Variants in SUMO3 observed in about 807,000 individuals in gnomAD.
SUMO3 encodes small ubiquitin-related modifier 3.
In SUMO3, 2 loss-of-function variants were observed where a neutral mutation model predicts 11.1. That is an observed-to-expected ratio of 0.18 (90% CI 0.07 to 0.57). The LOEUF is 0.57. Ranked by LOEUF, SUMO3 falls within the 20% of genes least tolerant of loss-of-function variation. The pLI, the probability that SUMO3 is intolerant of heterozygous loss-of-function variation, is 0.92. For synonymous variants in SUMO3, 56 were observed against 53.5 expected, an observed-to-expected ratio of 1.05 and a Z score of -0.20; for missense variants, 70 against 132.8, an observed-to-expected ratio of 0.53 and a Z score of 2.32.
chr21:44,817,118 C>A (rs1282815747), intron 1 of SUMO3, among the ~76,000 whole-genome samples: 1 of 131,704 alleles, frequency 7.6e-6, no homozygotes, highest in Non-Finnish European at 1.6e-5. Context: ...GACGGGTGGG[C>A]GCACACCAGG....
intron 1 of SUMO3, among the ~76,000 whole-genome samples, chr21:44,816,566 A>T (rs1380299423): frequency 6.6e-6 from 1 of 152,184 alleles, no homozygotes; most frequent in African/African-American, 2.4e-5. Context: ...CTCTTTACAG[A>T]GCCTTCAGCT....
intron 2 of SUMO3, among the ~76,000 whole-genome samples, chr21:44,812,175 G>A (rs2083216320): frequency 7.0e-6 from 1 of 142,352 alleles, no homozygotes; most frequent in South Asian, 2.3e-4. Flanking sequence ...TCCCACCTCA[G>A]CCTCCTGAGT....
chr21:44,811,536 C>T lies in SUMO3; in HGVS notation c.151-2418G>A, dbSNP rs572689217. On this transcript the variant is annotated intron_variant, in intron 2 of 3. Transcript: ENST00000332859. The surrounding 1 kb of genome is among the most constrained non-coding windows in gnomAD (Gnocchi z 5.0). ...GCAGTGAACCATGATCACACCACTG[C>T]GCTCCAGCTTGGGGGACAGAGTGAG... 4.6e-5 allele frequency among the ~76,000 whole-genome samples: 7 copies of T among 152,090 alleles called. No homozygotes were observed. Among genetic ancestry groups the T allele is most frequent in the East Asian group, 1.9e-4 (1 of 5,164 alleles).
At chr21:44,813,137 A>C (rs1477052083) in intron 2 of SUMO3, among the ~76,000 whole-genome samples, 2 of 152,154 alleles carry the variant, frequency 1.3e-5, no homozygotes, top group Admixed American at 6.5e-5. Flanking sequence ...AGGAAATCTA[A>C]CTGAAAATCC....
rs1207275533 is a variant in SUMO3 at position 44,810,746 on chromosome 21, A to G, written c.151-1628T>C. ...CCTGGCAGCACAGCCATCCATGTAC[A>G]CAGCTTTTCAGCAGCTTCTCGGTGC... is the stretch of plus-strand genomic sequence containing the variant. On this transcript the variant is annotated intron_variant, in intron 2 of 3. Transcript: ENST00000332859. This position sits in a 1 kb window ranked among gnomAD's most constrained non-coding sequence, Gnocchi z 4.1. 6.6e-6 allele frequency among the ~76,000 whole-genome samples: 1 copy of G among 151,682 alleles called. No individual in the cohort carries two copies. Among genetic ancestry groups the G allele is most frequent in the Non-Finnish European group, 1.5e-5 (1 of 67,908 alleles).
chr21:44,813,887 C>A (rs753207170), intron 2 of SUMO3, 89 bp downstream of exon 2: 3 of 1,595,266 alleles, frequency 1.9e-6, no homozygotes, highest in Admixed American at 1.7e-5. Flanking sequence ...CTGGGTCCAG[C>A]CCCGAGACGC....
At chr21:44,814,719 A>G (rs1346787503) in intron 1 of SUMO3, among the ~76,000 whole-genome samples, 1 of 152,246 alleles carries the variant, frequency 6.6e-6, no homozygotes, top group East Asian at 1.9e-4. Flanking sequence ...GCAGGCGGCC[A>G]GGCTCCTTCT....
chr21:44,816,914 GGGCGCACATCGT>G (rs2146428339), intron 1 of SUMO3, among the ~76,000 whole-genome samples: 1 of 140,486 alleles, frequency 7.1e-6, no homozygotes. Context: ...GGGGAGGGGT[GGGCGCACATCGT>G]GGAGGGGGTG....
intron 1 of SUMO3, among the ~76,000 whole-genome samples, chr21:44,814,357 A>T (rs1456804958): frequency 2.6e-5 from 4 of 152,200 alleles, no homozygotes; most frequent in African/African-American, 9.7e-5. Context: ...TAATTCAAAG[A>T]AAAAAACAAA....
chr21:44,813,971 C>G lies in SUMO3; in HGVS notation c.150+5G>C. 3 of 1,610,048 alleles carry G rather than the reference C, an allele frequency of 1.9e-6. No individual in the cohort carries two copies. The highest frequency in any genetic ancestry group is 2.5e-6 in the Non-Finnish European group (3 of 1,179,932). On this transcript the variant is annotated splice_donor_5th_base_variant and intron_variant, in intron 2 of 3. Transcript: ENST00000332859. ...GAGGCTCTGCGGGGGAGCAAGGTGCCGCACCTGCCTCTCGCAGTAGGCCTT... is the reference window on the plus strand; with the variant it reads ...GAGGCTCTGCGGGGGAGCAAGGTGCGGCACCTGCCTCTCGCAGTAGGCCTT...
intron 2 of SUMO3, among the ~76,000 whole-genome samples, chr21:44,812,360 A>AT (rs2083217340): frequency 6.6e-6 from 1 of 152,120 alleles, no homozygotes; most frequent in South Asian, 2.1e-4. Flanking sequence ...GATTACAGGC[A>AT]TAAGCCACCA....
chr21:44,813,538 CAT>C (rs1273811312), intron 2 of SUMO3: 2 of 403,880 alleles, frequency 5.0e-6, no homozygotes, highest in East Asian at 3.8e-5. Context: ...CCACACCGCA[CAT>C]GAGGGCAGTG....
At chr21:44,808,307 T>C (rs976349426) in intron 3 of SUMO3, 1 of 334,888 alleles carries the variant, frequency 3.0e-6, no homozygotes, top group Admixed American at 4.9e-5. Flanking sequence ...GGTCAGGAGA[T>C]CGAGACCATC....
intron 2 of SUMO3, 55 bp downstream of exon 2, chr21:44,813,921 C>T (rs2838697): frequency 6.2e-6 from 10 of 1,601,622 alleles, no homozygotes; most frequent in Admixed American, 1.7e-5. Context: ...ATGCCTGGAA[C>T]GCACAGGACC....
rs1349253164 is a variant in SUMO3 at position 44,811,007 on chromosome 21, C to A, written c.151-1889G>T. 8.8e-6 allele frequency among the ~76,000 whole-genome samples: 1 copy of A among 113,992 alleles called. No individual in the cohort carries two copies. Among genetic ancestry groups the A allele is most frequent in the East Asian group, 2.0e-4 (1 of 5,120 alleles). The allele number at this position is 113,992 out of a possible 152,430, so 74.8% of individuals were successfully genotyped here. ...CCATGCACACACCCACACATGCACA[C>A]ACCCACATATGCACACACGCACACA... On this transcript the variant is annotated intron_variant, in intron 2 of 3. Coordinates refer to ENST00000332859, the MANE Select transcript of SUMO3 (RefSeq NM_006936.3). This position sits in a 1 kb window ranked among gnomAD's most constrained non-coding sequence, Gnocchi z 5.0.
At chr21:44,815,998 C>T (rs2838700) in intron 1 of SUMO3, among the ~76,000 whole-genome samples, 40,652 of 152,056 alleles carry the variant, frequency 0.27, 8,033 homozygotes, top group East Asian at 0.58. Context: ...CAGAGTCCAC[C>T]TCTTCCCCTT....
At chr21:44,816,418 G>A (rs2083243915) in intron 1 of SUMO3, among the ~76,000 whole-genome samples, 7 of 152,154 alleles carry the variant, frequency 4.6e-5, no homozygotes, top group Admixed American at 4.6e-4. Flanking sequence ...CAAGCAGAGT[G>A]CAGACTTCCA....
chr21:44,810,809 T>C lies in SUMO3; in HGVS notation c.151-1691A>G, dbSNP rs558396629. Among the ~76,000 whole-genome samples the C allele has an allele frequency of 2.2e-4, 34 of 152,020 alleles. No homozygotes were observed. Among genetic ancestry groups the C allele is most frequent in the Admixed American group, 1.2e-3 (19 of 15,266 alleles). ...CAGAAGTCAGCCTGCGTGAGAGCAG[T>C]CAGGGAAAGGCTCACTGTGCAGCAG... is the stretch of plus-strand genomic sequence containing the variant. On this transcript the variant is annotated intron_variant, in intron 2 of 3. Coordinates refer to ENST00000332859, the MANE Select transcript of SUMO3 (RefSeq NM_006936.3). The surrounding 1 kb of genome is among the most constrained non-coding windows in gnomAD (Gnocchi z 4.1).
chr21:44,806,901 C>T lies in SUMO3; in HGVS notation c.*50G>A. The T allele has an allele frequency of 1.2e-6, 2 of 1,611,834 alleles. No homozygotes were observed. The highest frequency in any genetic ancestry group is 1.7e-6 in the Non-Finnish European group (2 of 1,178,618). ...TGTGGTCGGCATGGTCACGTGCTCA[C>T]CATTCAACAGCAATGCGAGGATGGA... On this transcript the variant is annotated 3_prime_UTR_variant, in exon 4 of 4. Transcript: ENST00000332859.
Sources: allele counts gnomAD v4.1 joint callset (sites outside exome capture counted in the v4.1 genomes callset), GRCh38; gene constraint gnomAD v4.1.1; non-coding constraint Gnocchi (gnomAD v3.1); transcripts MANE v1.5; gene names NCBI Gene and HGNC (gene_info 2026-07-23, HGNC 2026-07-21).